Variants in TRAPPC9 observed in about 807,000 individuals in gnomAD.
TRAPPC9 encodes trafficking protein particle complex subunit 9, also known as IKK2 binding protein.
Under a neutral mutation model 124.0 loss-of-function variants are expected in TRAPPC9, and 83 were observed. The observed-to-expected ratio is 0.67, with a 90% CI of 0.56 to 0.80. TRAPPC9 has a LOEUF of 0.80. TRAPPC9 is among the 30% of genes least tolerant of loss of function. TRAPPC9 has a pLI of 0.00. For synonymous variants in TRAPPC9, 638 were observed against 617.5 expected, an observed-to-expected ratio of 1.03 and a Z score of -0.49; for missense variants, 1,302 against 1,508.3, an observed-to-expected ratio of 0.86 and a Z score of 2.27.
intron 21 of TRAPPC9, among the ~76,000 whole-genome samples, chr8:139,783,901 T>C (rs987586615): frequency 1.3e-5 from 2 of 152,230 alleles, no homozygotes; most frequent in African/African-American, 4.8e-5. Flanking sequence ...CATATGATCA[T>C]CTTAATGGTT....
intron 16 of TRAPPC9, among the ~76,000 whole-genome samples, chr8:140,237,801 C>T (rs193229699): frequency 4.6e-5 from 7 of 152,138 alleles, no homozygotes; most frequent in South Asian, 4.2e-4. Context: ...AACATGACTG[C>T]GGTGACAATG....
chr8:139,883,184 C>A (rs1014429622), intron 21 of TRAPPC9, among the ~76,000 whole-genome samples: 3 of 152,208 alleles, frequency 2.0e-5, no homozygotes, highest in Admixed American at 1.3e-4. Flanking sequence ...TGAGCTAGCA[C>A]ATGAGTACGC....
chr8:140,262,943 G>T (rs1281094372), intron 15 of TRAPPC9, among the ~76,000 whole-genome samples: 1 of 152,224 alleles, frequency 6.6e-6, no homozygotes, highest in Admixed American at 6.5e-5. Flanking sequence ...ACTTGGGGAT[G>T]CACAGAGGAC....
At chr8:139,944,658 T>C (rs148641112) in intron 19 of TRAPPC9, among the ~76,000 whole-genome samples, 7 of 152,170 alleles carry the variant, frequency 4.6e-5, no homozygotes, top group Non-Finnish European at 8.8e-5. Flanking sequence ...ATATATGTTA[T>C]ATAGAATTAA....
At chr8:139,863,688 G>A (rs181136257) in intron 21 of TRAPPC9, among the ~76,000 whole-genome samples, 31 of 152,336 alleles carry the variant, frequency 2.0e-4, no homozygotes, top group African/African-American at 6.5e-4. Context: ...CGCTGTTCCC[G>A]CCTCTGAGAA....
chr8:140,416,403 AG>A (rs1219414940), intron 5 of TRAPPC9, among the ~76,000 whole-genome samples: 36 of 152,202 alleles, frequency 2.4e-4, no homozygotes, highest in Non-Finnish European at 4.7e-4. Context: ...AAAATCTCCC[AG>A]AAAGAAAAGC....
chr8:140,106,061 C>T (rs1409551147), intron 17 of TRAPPC9, among the ~76,000 whole-genome samples: 1 of 151,008 alleles, frequency 6.6e-6, no homozygotes, highest in Non-Finnish European at 1.5e-5. Flanking sequence ...AAGTCTGGTG[C>T]TCAGATCAAA....
At chr8:139,899,319 GTAAATTAACACGTAT>G (rs1830871413) in intron 20 of TRAPPC9, among the ~76,000 whole-genome samples, 1 of 151,964 alleles carries the variant, frequency 6.6e-6, no homozygotes, top group Non-Finnish European at 1.5e-5. Flanking sequence ...AACATAAACA[GTAAATTAACACGTAT>G]TTTGCATGTT....
At chr8:140,270,593 C>T (rs1043501905) in intron 15 of TRAPPC9, among the ~76,000 whole-genome samples, 1 of 152,200 alleles carries the variant, frequency 6.6e-6, no homozygotes, top group South Asian at 2.1e-4. Flanking sequence ...TCCTGTGGCA[C>T]TAAGTCAGAG....
chr8:140,010,742 T>C (rs970984725), intron 18 of TRAPPC9, among the ~76,000 whole-genome samples: 1 of 152,212 alleles, frequency 6.6e-6, no homozygotes, highest in Non-Finnish European at 1.5e-5. Flanking sequence ...GGAGGGTAAA[T>C]TATGGAGGAA....
Position 139,728,189 on chromosome 8 carries a change from T to C in TRAPPC9, c.*2872A>G, listed in dbSNP as rs1258263240. ...AGTGGCTGAGCTGGAGTTCAGCATC[T>C]CAGACATCTTCCTTTGAATCCTTGC... is the stretch of plus-strand genomic sequence containing the variant. On this transcript the variant is annotated 3_prime_UTR_variant, in exon 23 of 23. Coordinates refer to ENST00000438773, the MANE Select transcript of TRAPPC9 (RefSeq NM_001160372.4). Among the ~76,000 whole-genome samples the C allele has an allele frequency of 1.3e-5, 2 of 152,226 alleles. No homozygotes were observed. The highest frequency in any genetic ancestry group is 4.8e-5 in the African/African-American group (2 of 41,460).
chr8:139,875,958 GC>G (rs1017815061), intron 21 of TRAPPC9, among the ~76,000 whole-genome samples: 13 of 152,032 alleles, frequency 8.6e-5, no homozygotes, highest in Admixed American at 5.2e-4. Flanking sequence ...TGCCAGGGTG[GC>G]CTGGGGCACC....
chr8:140,225,927 T>C (rs2063440734), intron 16 of TRAPPC9, among the ~76,000 whole-genome samples: 1 of 152,200 alleles, frequency 6.6e-6, no homozygotes, highest in Non-Finnish European at 1.5e-5. Flanking sequence ...AGATTCTTTT[T>C]GTTTGTTTGT....
chr8:140,444,440 G>A (rs2071165251), intron 2 of TRAPPC9, among the ~76,000 whole-genome samples: 1 of 152,102 alleles, frequency 6.6e-6, no homozygotes, highest in African/African-American at 2.4e-5. Context: ...CTGCTGCCAG[G>A]ACGGAGGCGG....
At chr8:139,980,136 C>T (rs570112988) in intron 19 of TRAPPC9, among the ~76,000 whole-genome samples, 101 of 152,258 alleles carry the variant, frequency 6.6e-4, no homozygotes, top group Admixed American at 1.6e-3. Flanking sequence ...CCCCAGACTT[C>T]TCTAACAAGA....
Position 139,742,271 on chromosome 8 carries a change from C to T in TRAPPC9, c.3056-10069G>A, listed in dbSNP as rs1818613118. Among the ~76,000 whole-genome samples the T allele has an allele frequency of 6.6e-6, 1 of 152,220 alleles. No individual in the cohort carries two copies. The highest frequency in any genetic ancestry group is 1.5e-5 in the Non-Finnish European group (1 of 68,044). ...GTTCTCCCGATCTACCCCCAACCGG[C>T]CATGCTGCCGGCGCTCACTGCTCCC... On this transcript the variant is annotated intron_variant, in intron 21 of 22. Coordinates refer to ENST00000438773, the MANE Select transcript of TRAPPC9 (RefSeq NM_001160372.4). The surrounding 1 kb of genome is among the most constrained non-coding windows in gnomAD (Gnocchi z 4.7).
intron 15 of TRAPPC9, among the ~76,000 whole-genome samples, chr8:140,264,328 C>T (rs1442134424): frequency 1.3e-5 from 2 of 152,098 alleles, no homozygotes; most frequent in Non-Finnish European, 2.9e-5. Context: ...CTTGCCTTTC[C>T]CAGGTGCTCC....
chr8:140,328,314 C>T (rs1219427185), intron 9 of TRAPPC9, among the ~76,000 whole-genome samples: 1 of 151,984 alleles, frequency 6.6e-6, no homozygotes, highest in Non-Finnish European at 1.5e-5. Context: ...AACAGTATCA[C>T]TTACAAGCTC....
chr8:140,253,243 T>C (rs1015971221), intron 15 of TRAPPC9, among the ~76,000 whole-genome samples: 7 of 152,178 alleles, frequency 4.6e-5, no homozygotes, highest in Non-Finnish European at 1.0e-4. Flanking sequence ...TTTGCTCTTA[T>C]AAACTAAATC....
Sources: gnomAD v4.1 joint callset for allele counts (sites outside exome capture counted in the v4.1 genomes callset) on GRCh38, gnomAD v4.1.1 for gene constraint, Gnocchi (gnomAD v3.1) non-coding constraint, MANE v1.5 for transcripts, NCBI Gene and HGNC (gene_info 2026-07-23, HGNC 2026-07-21) for gene names.